BAZ2B: variants seen among roughly 807,000 people sequenced by gnomAD.
The protein encoded by BAZ2B is bromodomain adjacent to zinc finger domain 2B.
Under a neutral mutation model 246.0 loss-of-function variants are expected in BAZ2B, and 91 were observed. That is an observed-to-expected ratio of 0.37 (90% confidence interval 0.31 to 0.44). The LOEUF (loss-of-function observed/expected upper bound fraction) is 0.44, where lower values mean the gene tolerates loss of function less well. Ranked by LOEUF, BAZ2B falls within the 20% of genes least tolerant of loss-of-function variation. The probability of loss-of-function intolerance (pLI) is 1.00; values close to 1 mark genes in which losing one functional copy is unlikely to be tolerated. For synonymous variants in BAZ2B, 855 were observed against 860.0 expected (o/e 0.99, Z 0.10); for missense variants, 2,332 against 2,533.7 (o/e 0.92, Z 1.71).
chr2:159,404,270 A>C (rs1372676363), intron 16 of BAZ2B: 2 of 152,114 alleles, frequency 1.3e-5, no homozygotes, highest in African/African-American at 2.4e-5. Flanking sequence ...AAATTTAAAA[A>C]TTACTTCTCT....
chr2:159,688,100 T>G, the BAZ2B span, among the ~76,000 whole-genome samples: 4 of 152,334 alleles, frequency 2.6e-5, no homozygotes, highest in African/African-American at 9.6e-5. Context: ...AAAGGCAGTG[T>G]GAGATCCTAG....
chr2:159,460,401 T>C (rs2076262240), intron 3 of BAZ2B: 1 of 152,116 alleles, frequency 6.6e-6, no homozygotes, highest in Non-Finnish European at 1.5e-5. Flanking sequence ...CACTCAATCT[T>C]TTTAAAAGTC....
chr2:159,581,384 G>A (rs1686742929), intron 1 of BAZ2B, among the ~76,000 whole-genome samples: 1 of 152,144 alleles, frequency 6.6e-6, no homozygotes, highest in South Asian at 2.1e-4. Context: ...ACCATCTCAT[G>A]CCAGTTAGAA....
chr2:159,394,417 C>A (rs535244507), intron 20 of BAZ2B, among the ~76,000 whole-genome samples: 1 of 152,062 alleles, frequency 6.6e-6, no homozygotes, highest in Non-Finnish European at 1.5e-5. Context: ...TACAATTCCA[C>A]GCACAGATGT....
chr2:159,438,361 C>T lies in BAZ2B; in HGVS notation c.1235G>A (p.Gly412Glu), dbSNP rs1163305486. 2 of 1,613,884 alleles carry T rather than the reference C, an allele frequency of 1.2e-6. No individual in the cohort carries two copies. Residue 412 changes from glycine (G) to glutamate (E), a missense_variant, in exon 8 of 37, where the codon GGG becomes GAG. Physicochemically the swap from Gly to Glu is moderately conservative, Grantham distance 98. This residue lies in a region of BAZ2B where 651 missense variants were observed against 650.9 expected (regional missense o/e 1.00). Transcript: ENST00000392783. ...IVPSPDVLKA[G>E]NKNTSEESSL... ...AGATTCTTCAGAGGTATTTTTATTCCCTGCTTTAAGAACATCAGGAGAAGG... is the reference window on the plus strand; with the variant it reads ...AGATTCTTCAGAGGTATTTTTATTCTCTGCTTTAAGAACATCAGGAGAAGG...
chr2:159,564,643 G>T (rs34407273), intron 1 of BAZ2B, among the ~76,000 whole-genome samples: 9,190 of 152,248 alleles, frequency 0.06, 351 homozygotes, highest in Middle Eastern at 0.14. Context: ...GTTTTGGTCA[G>T]ATCAACTGGG....
the BAZ2B span, among the ~76,000 whole-genome samples, chr2:159,701,978 T>C: frequency 6.6e-6 from 1 of 152,154 alleles, no homozygotes; most frequent in Admixed American, 6.6e-5. Context: ...ATTGCCCGTC[T>C]CAGCCTCCCA....
the BAZ2B span, among the ~76,000 whole-genome samples, chr2:159,622,611 A>G: frequency 6.6e-6 from 1 of 152,244 alleles, no homozygotes; most frequent in African/African-American, 2.4e-5. Context: ...TGCAACTTAT[A>G]TGAGACAGTT....
chr2:159,709,763 A>G, the BAZ2B span, among the ~76,000 whole-genome samples: 1 of 152,232 alleles, frequency 6.6e-6, no homozygotes, highest in Non-Finnish European at 1.5e-5. Flanking sequence ...TTGAAATTCA[A>G]TATCTGAAAG....
chr2:159,382,263 C>T (rs1238637115), intron 25 of BAZ2B, among the ~76,000 whole-genome samples: 1 of 152,080 alleles, frequency 6.6e-6, no homozygotes, highest in Non-Finnish European at 1.5e-5. Flanking sequence ...AAACAAAATA[C>T]CTGAAATTAA....
intron 1 of BAZ2B, among the ~76,000 whole-genome samples, chr2:159,615,077 A>T (rs1695600645): frequency 6.6e-6 from 1 of 152,176 alleles, no homozygotes; most frequent in South Asian, 2.1e-4. Context: ...AAATTTCAAC[A>T]ACTCGGCCAA....
chr2:159,316,187 G>A (rs1191803142), downstream of BAZ2B, among the ~76,000 whole-genome samples: 2 of 152,072 alleles, frequency 1.3e-5, no homozygotes, highest in Non-Finnish European at 2.9e-5. Flanking sequence ...TAACACAGAG[G>A]GGCTTTGCAA....
At chr2:159,647,680 A>G in the BAZ2B span, among the ~76,000 whole-genome samples, 9 of 152,288 alleles carry the variant, frequency 5.9e-5, no homozygotes, top group East Asian at 1.9e-4. Flanking sequence ...AAGACAACAC[A>G]ACTACATGCT....
chr2:159,345,397 G>C (rs1490055610), intron 31 of BAZ2B, among the ~76,000 whole-genome samples: 1 of 152,078 alleles, frequency 6.6e-6, no homozygotes, highest in East Asian at 1.9e-4. Flanking sequence ...ACTCTGATCT[G>C]ATCACTATAC....
chr2:159,412,516 C>T lies in BAZ2B; in HGVS notation c.2496G>A (p.Glu832=). The part of the protein sequence containing the change: ...QGMQWCLLKE[E]DVIPRIRAME... ...TTGCCCTGATACGAGGAATGACATC[C>T]TCTTCTTTCAAAAGACACCACTGCA... The change falls in exon 14 of 37, where the codon GAG becomes GAA. Residue 832 remains glutamate, a synonymous_variant. Transcript: ENST00000392783. The T allele has an allele frequency of 1.9e-6, 3 of 1,613,962 alleles. No homozygotes were observed.
chr2:159,441,022 A>T (rs1411918236), intron 6 of BAZ2B, among the ~76,000 whole-genome samples: 1 of 152,136 alleles, frequency 6.6e-6, no homozygotes, highest in Non-Finnish European at 1.5e-5. Flanking sequence ...GAAAATAATA[A>T]TATATTAATA....
chr2:159,349,023 T>C lies in BAZ2B; in HGVS notation c.5121A>G (p.Pro1707=), dbSNP rs2058280115. The C allele has an allele frequency of 1.9e-6, 3 of 1,614,008 alleles. No homozygotes were observed. The highest frequency in any genetic ancestry group is 1.7e-5 in the Admixed American group (1 of 59,986). ...TGTACCTACCTTCTGGAATAGGTTT[T>C]GGACTAGGAAAATCTACTGGTTTTG... ...EVAKPVDFPS[P]KPIPEEMQFG... is the part of the protein sequence containing the mutation. The change falls in exon 29 of 37, where the codon CCA becomes CCG. Residue 1707 remains proline (P), a synonymous_variant. Coordinates refer to ENST00000392783, the MANE Select transcript of BAZ2B (RefSeq NM_013450.4).
intron 27 of BAZ2B, among the ~76,000 whole-genome samples, chr2:159,355,095 G>A (rs2058960394): frequency 6.6e-6 from 1 of 152,110 alleles, no homozygotes; most frequent in African/African-American, 2.4e-5. Context: ...GCTCCCCTTA[G>A]TTGGACTGAA....
At chr2:159,557,594 T>A (rs1374986509) in intron 1 of BAZ2B, among the ~76,000 whole-genome samples, 2 of 152,144 alleles carry the variant, frequency 1.3e-5, no homozygotes, top group Non-Finnish European at 2.9e-5. Flanking sequence ...TTTTCTCACT[T>A]CAATCGGGTC....
Sources: allele counts gnomAD v4.1 joint callset (sites outside exome capture counted in the v4.1 genomes callset), GRCh38; gene constraint gnomAD v4.1.1; regional missense constraint gnomAD v4.1.1; transcripts MANE v1.5; gene names NCBI Gene and HGNC (gene_info 2026-07-23, HGNC 2026-07-21).